FRMD6: variants seen among roughly 807,000 people sequenced by gnomAD.
FRMD6 encodes FERM domain containing 6.
FRMD6 carries 37 observed loss-of-function variants against 73.2 expected under a neutral mutation model. The ratio of observed to expected loss-of-function variants is 0.51; its 90% CI spans 0.39 to 0.66. The LOEUF is 0.66. Among genes scored for constraint, FRMD6 ranks in the 30% least tolerant of loss-of-function variants. The pLI is 0.00. For synonymous variants in FRMD6, 273 were observed against 282.2 expected, an observed-to-expected ratio of 0.97 and a Z score of 0.33; for missense variants, 714 against 780.5, an observed-to-expected ratio of 0.91 and a Z score of 1.02.
At chr14:51,708,464 T>G (rs1896759142) in intron 7 of FRMD6, 1 of 377,352 alleles carries the variant, frequency 2.7e-6, no homozygotes, top group Non-Finnish European at 4.8e-6. Context: ...GTTCTAATAG[T>G]GAGATGACAA....
At chr14:51,397,215 C>T in the FRMD6 span, 1,684 of 152,370 alleles carry the variant, frequency 0.011, 13 homozygotes, top group Non-Finnish European at 0.018. Flanking sequence ...TATATATATA[C>T]ATCAGGAAGG....
At chr14:51,555,799 A>T (rs7158806) in intron 1 of FRMD6, among the ~76,000 whole-genome samples, 122,588 of 148,052 alleles carry the variant, frequency 0.83, 51,058 homozygotes, top group African/African-American at 0.91. Flanking sequence ...CAAAATTCTG[A>T]CTCAAAAAAA....
chr14:51,702,411 T>C (rs1250437970), intron 4 of FRMD6, 101 bp from the exon 5 acceptor site: 1 of 928,428 alleles, frequency 1.1e-6, no homozygotes, highest in Non-Finnish European at 1.7e-6. Flanking sequence ...CTATCAGTGA[T>C]CAAAAAGTAT....
intron 13 of FRMD6, among the ~76,000 whole-genome samples, chr14:51,726,762 G>A (rs1229819507): frequency 6.6e-6 from 1 of 152,154 alleles, no homozygotes; most frequent in Non-Finnish European, 1.5e-5. Context: ...ATGATTCTAT[G>A]TGTGAAATCC....
chr14:51,498,174 CTA>C (rs1244051945), intron 1 of FRMD6, among the ~76,000 whole-genome samples: 1 of 152,170 alleles, frequency 6.6e-6, no homozygotes, highest in Non-Finnish European at 1.5e-5. Context: ...AAACAAAAAA[CTA>C]TTTTAGCATT....
intron 1 of FRMD6, among the ~76,000 whole-genome samples, chr14:51,545,437 T>A (rs1596567878): frequency 6.6e-6 from 1 of 152,088 alleles, no homozygotes; most frequent in African/African-American, 2.4e-5. Flanking sequence ...AGTGGTGGAC[T>A]GGAGTCTATT....
chr14:51,472,865 C>G, the FRMD6 span, among the ~76,000 whole-genome samples: 1 of 152,234 alleles, frequency 6.6e-6, no homozygotes, highest in Non-Finnish European at 1.5e-5. Flanking sequence ...ATCCCCAAGG[C>G]TGTGCTTTAA....
At chr14:51,715,264 G>T in intron 9 of FRMD6, 61 bp from the exon 10 acceptor site, 1 of 1,297,040 alleles carries the variant, frequency 7.7e-7, no homozygotes, top group South Asian at 1.8e-5. Context: ...AGGAAACAAA[G>T]GGGACTTTGG....
At chr14:51,408,326 A>C in the FRMD6 span, among the ~76,000 whole-genome samples, 1 of 152,012 alleles carries the variant, frequency 6.6e-6, no homozygotes, top group Non-Finnish European at 1.5e-5. Flanking sequence ...CACCTGGCTA[A>C]TTTTATTAAT....
At chr14:51,681,254 A>G (rs1298147243) in intron 1 of FRMD6, among the ~76,000 whole-genome samples, 2 of 152,234 alleles carry the variant, frequency 1.3e-5, no homozygotes, top group Admixed American at 6.5e-5. Context: ...TTAGCTGCCA[A>G]CAGGAGAAAA....
intron 2 of FRMD6, among the ~76,000 whole-genome samples, chr14:51,691,730 G>A (rs533939114): frequency 6.6e-6 from 1 of 151,398 alleles, no homozygotes; most frequent in South Asian, 2.1e-4. Flanking sequence ...GAGTAGCTGG[G>A]ACTACAGGTG....
At chr14:51,400,887 T>C in the FRMD6 span, among the ~76,000 whole-genome samples, 1 of 152,224 alleles carries the variant, frequency 6.6e-6, no homozygotes, top group South Asian at 2.1e-4. Context: ...TTTAGCCAAT[T>C]TCCTAGGTTG....
chr14:51,634,392 C>T (rs1024265554), intron 2 of FRMD6, among the ~76,000 whole-genome samples: 11 of 152,148 alleles, frequency 7.2e-5, no homozygotes, highest in Non-Finnish European at 1.3e-4. Context: ...TACATGTCTG[C>T]GTGAATTAAT....
At chr14:51,548,721 G>C (rs1886610865) in intron 1 of FRMD6, among the ~76,000 whole-genome samples, 1 of 152,172 alleles carries the variant, frequency 6.6e-6, no homozygotes, top group Non-Finnish European at 1.5e-5. Context: ...AAAAAGAAGA[G>C]TGAATTTAGT....
chr14:51,459,246 C>G, the FRMD6 span, among the ~76,000 whole-genome samples: 4 of 152,208 alleles, frequency 2.6e-5, no homozygotes, highest in African/African-American at 9.6e-5. Context: ...TCTAACTCTT[C>G]TAATCTCTCA....
chr14:51,650,078 T>C (rs1442640803), upstream of FRMD6: 1 of 152,232 alleles, frequency 6.6e-6, no homozygotes, highest in Admixed American at 6.5e-5. Flanking sequence ...ATATTTCTTG[T>C]TCTCTTTTGC....
chr14:51,615,943 C>T (rs113172008), intron 2 of FRMD6, among the ~76,000 whole-genome samples: 1 of 152,124 alleles, frequency 6.6e-6, no homozygotes, highest in Non-Finnish European at 1.5e-5. Context: ...CCAAAGATAC[C>T]TTTCTAAAGA....
At chr14:51,511,902 A>T (rs1198115884) in intron 1 of FRMD6, among the ~76,000 whole-genome samples, 1 of 151,698 alleles carries the variant, frequency 6.6e-6, no homozygotes, top group African/African-American at 2.4e-5. Flanking sequence ...AAGAAATAAC[A>T]ATAAAATTAA....
At chr14:51,429,038 A>AGAGGGGGGGAGAGAGAGGGG in the FRMD6 span, among the ~76,000 whole-genome samples, 524 of 133,116 alleles carry the variant, frequency 3.9e-3, no homozygotes, top group Non-Finnish European at 6.4e-3. Context: ...GAGGGGAGAG[A>AGAGGGGGGGAGAGAGAGGGG]AAAGAAAAGG....
Sources: allele counts gnomAD v4.1 joint callset (sites outside exome capture counted in the v4.1 genomes callset), GRCh38; gene constraint gnomAD v4.1.1; transcripts MANE v1.5; gene names NCBI Gene and HGNC (gene_info 2026-07-23, HGNC 2026-07-21).